The following DAPK2 variants were observed in gnomAD, a reference collection of about 807,000 sequenced individuals.
DAPK2 encodes death associated protein kinase 2.
Under a neutral mutation model 44.1 loss-of-function variants are expected in DAPK2, and 35 were observed. That is an observed-to-expected ratio of 0.79 (90% CI 0.61 to 1.05). The LOEUF (loss-of-function observed/expected upper bound fraction) is 1.05, where lower values mean the gene tolerates loss of function less well. DAPK2 is among the 50% of genes least tolerant of loss of function. DAPK2 has a pLI of 0.00. For synonymous variants in DAPK2, 174 were observed against 182.6 expected (o/e 0.95, Z 0.38); for missense variants, 453 against 483.2 (o/e 0.94, Z 0.59).
intron 3 of DAPK2, among the ~76,000 whole-genome samples, chr15:63,951,681 T>C (rs1425819935): frequency 6.6e-6 from 1 of 152,150 alleles, no homozygotes; most frequent in East Asian, 1.9e-4. Context: ...CCATAGCACA[T>C]TGATGTTTGT....
At position 63,983,584 on chromosome 15, in the gene DAPK2, G is replaced by T; in HGVS notation, c.263C>A (p.Thr88Lys). 1.9e-6 allele frequency: 3 copies of T among 1,614,184 alleles called. No homozygotes were observed. In the South Asian group the frequency reaches 3.3e-5, roughly 18 times the overall value. Reference sequence around the variant, plus strand: ...GCGGTTCTCATAGACGTCGTGCAGCGTGATGACATTGTGGTGCAGCACCTG... The same window carrying T: ...GCGGTTCTCATAGACGTCGTGCAGCTTGATGACATTGTGGTGCAGCACCTG... Residue 88 changes from threonine (T) to lysine (K), a missense_variant, in exon 2 of 11, where the codon ACG becomes AAG. Transcript: ENST00000261891.
chr15:63,910,451 C>T (rs1443341275), intron 10 of DAPK2, among the ~76,000 whole-genome samples: 1 of 152,248 alleles, frequency 6.6e-6, no homozygotes, highest in Non-Finnish European at 1.5e-5. Flanking sequence ...CACCCTACAC[C>T]ACGCTCCATA....
chr15:63,964,256 T>C (rs951320331), intron 3 of DAPK2, among the ~76,000 whole-genome samples: 1 of 152,210 alleles, frequency 6.6e-6, no homozygotes, highest in Non-Finnish European at 1.5e-5. Flanking sequence ...CTCAGCACTT[T>C]AAATATGTCA....
At chr15:63,915,646 G>T (rs947228462) in intron 8 of DAPK2, among the ~76,000 whole-genome samples, 73 of 152,300 alleles carry the variant, frequency 4.8e-4, no homozygotes, top group African/African-American at 1.7e-3. Flanking sequence ...GAGCAGAGGG[G>T]CCCAGCTAAA....
intron 4 of DAPK2, among the ~76,000 whole-genome samples, chr15:63,933,150 C>G (rs567288661): frequency 3.9e-5 from 6 of 152,312 alleles, no homozygotes; most frequent in Admixed American, 1.3e-4. Context: ...AAGATAGGCA[C>G]AGAAATTTGG....
intron 2 of DAPK2, among the ~76,000 whole-genome samples, chr15:63,971,852 C>T (rs1297389742): frequency 6.6e-6 from 1 of 152,228 alleles, no homozygotes; most frequent in East Asian, 1.9e-4. Flanking sequence ...GGAGGTTGCC[C>T]TCTCCCCTCC....
At chr15:64,010,642 T>C (rs2079366266) in intron 1 of DAPK2, among the ~76,000 whole-genome samples, 1 of 152,190 alleles carries the variant, frequency 6.6e-6, no homozygotes, top group African/African-American at 2.4e-5. Flanking sequence ...GGCACTTTAA[T>C]TGTTCTGAGC....
chr15:63,991,979 G>A (rs926973496), intron 1 of DAPK2, among the ~76,000 whole-genome samples: 6 of 152,136 alleles, frequency 3.9e-5, no homozygotes, highest in African/African-American at 1.4e-4. Context: ...TTCATTCCCA[G>A]GTCCTACAGA....
At chr15:63,944,495 G>A (rs1416304466) in intron 3 of DAPK2, among the ~76,000 whole-genome samples, 2 of 152,176 alleles carry the variant, frequency 1.3e-5, no homozygotes, top group African/African-American at 4.8e-5. Flanking sequence ...ATGACAGCCA[G>A]GACAGAGGGT....
chr15:63,949,415 G>A (rs2077530607), intron 3 of DAPK2, among the ~76,000 whole-genome samples: 1 of 152,194 alleles, frequency 6.6e-6, no homozygotes, highest in African/African-American at 2.4e-5. Context: ...TTTATGGTCT[G>A]TGCCACACAC....
At chr15:63,971,545 G>T in exon 3 of DAPK2, 1 of 1,614,174 alleles carries the variant, frequency 6.2e-7, no homozygotes, top group Non-Finnish European at 8.5e-7. Flanking sequence ...AAATCGAAGA[G>T]CTCTCCTCCA....
intron 2 of DAPK2, among the ~76,000 whole-genome samples, chr15:63,972,679 A>T (rs140267677): frequency 5.9e-5 from 9 of 152,348 alleles, no homozygotes; most frequent in South Asian, 2.1e-4. Flanking sequence ...ATTTCTAAGC[A>T]AAGTGTTGGA....
chr15:64,002,957 T>TGTCGTGGGAC (rs2079127985), intron 1 of DAPK2, among the ~76,000 whole-genome samples: 1 of 111,204 alleles, frequency 9.0e-6, no homozygotes, highest in Admixed American at 9.5e-5. Context: ...TGTGTGTGTG[T>TGTCGTGGGAC]GTGTGTGTCG....
chr15:63,948,458 T>A, intron 3 of DAPK2, among the ~76,000 whole-genome samples: 1 of 149,210 alleles, frequency 6.7e-6, no homozygotes, highest in Non-Finnish European at 1.5e-5. Flanking sequence ...AGAGGGGAGG[T>A]GCCTCACACT....
chr15:63,958,458 G>A (rs1474249045), intron 3 of DAPK2, among the ~76,000 whole-genome samples: 1 of 152,146 alleles, frequency 6.6e-6, no homozygotes, highest in Non-Finnish European at 1.5e-5. Flanking sequence ...TATTGCCTAG[G>A]TTTTCTTCTA....
At chr15:63,913,236 A>G (rs560073394) in intron 8 of DAPK2, among the ~76,000 whole-genome samples, 3 of 152,164 alleles carry the variant, frequency 2.0e-5, no homozygotes, top group Non-Finnish European at 2.9e-5. Context: ...AGGGTATGAC[A>G]TTTCTTCCTG....
intron 3 of DAPK2, among the ~76,000 whole-genome samples, chr15:63,951,751 T>C (rs1054553956): frequency 6.6e-6 from 1 of 152,182 alleles, no homozygotes; most frequent in Non-Finnish European, 1.5e-5. Context: ...TAAATTGAAA[T>C]CCACCTGCAA....
chr15:64,036,319 G>GTATATATATATATATATATGTATA (rs57218056), intron 1 of DAPK2, among the ~76,000 whole-genome samples: 1 of 56,662 alleles, frequency 1.8e-5, no homozygotes, highest in Non-Finnish European at 4.0e-5. Flanking sequence ...GTATATATAT[G>GTATATATATATATATATATGTATA]TATATATATA....
chr15:63,914,030 G>T (rs968715415), intron 8 of DAPK2, among the ~76,000 whole-genome samples: 1 of 152,168 alleles, frequency 6.6e-6, no homozygotes, highest in African/African-American at 2.4e-5. Context: ...CTTAATAGTT[G>T]TATGGTTAAG....
Sources: gnomAD v4.1 joint callset for allele counts (sites outside exome capture counted in the v4.1 genomes callset) on GRCh38, gnomAD v4.1.1 for gene constraint, MANE v1.5 for transcripts, NCBI Gene and HGNC (gene_info 2026-07-23, HGNC 2026-07-21) for gene names.